Variants in SP100 observed in about 807,000 individuals in gnomAD.
The protein encoded by SP100 is nuclear autoantigen Sp-100.
SP100 carries 84 observed loss-of-function variants against 130.0 expected under a neutral mutation model. That is an observed-to-expected ratio of 0.65 (90% CI 0.54 to 0.77). The LOEUF (loss-of-function observed/expected upper bound fraction) is 0.77. SP100 is among the 30% of genes least tolerant of loss of function. The probability of loss-of-function intolerance (pLI) is 0.00; values close to 1 mark genes in which losing one functional copy is unlikely to be tolerated. For synonymous variants in SP100, 331 were observed against 351.7 expected, an observed-to-expected ratio of 0.94 and a Z score of 0.66; for missense variants, 978 against 1,052.2, an observed-to-expected ratio of 0.93 and a Z score of 0.97.
At position 230,460,710 on chromosome 2, in the gene SP100, G is replaced by A. The variant is rs1403216752; in HGVS notation, c.821-552G>A. On this transcript the variant is annotated intron_variant, in intron 8 of 28. Transcript: ENST00000340126. ...GCAATCTCGGCTCACTGCAAGCTCC[G>A]CTTCCCGGGTTCACGCCATTCTCCT... Among the ~76,000 whole-genome samples the A allele has an allele frequency of 4.3e-5, 2 of 46,490 alleles. 1 individual carries two copies. Among genetic ancestry groups the A allele is most frequent in the Non-Finnish European group, 7.8e-5 (2 of 25,494 alleles). 30.5% of individuals were successfully genotyped at this position (46,490 alleles called of 152,430 possible).
At chr2:230,502,329 A>T (rs1455401110) in intron 19 of SP100, among the ~76,000 whole-genome samples, 1 of 152,178 alleles carries the variant, frequency 6.6e-6, no homozygotes, top group Non-Finnish European at 1.5e-5. Flanking sequence ...CATTTTCAGT[A>T]CAAAACCTTC....
rs1288823036 is a variant in SP100, at chr2:230,504,008, A to G, written c.1766-178A>G. On this transcript the variant is annotated intron_variant, in intron 20 of 28. Coordinates refer to ENST00000340126, the MANE Select transcript of SP100 (RefSeq NM_001080391.2). Reference sequence around the variant, plus strand: ...ATTTTAGAGGGTGGAATGGAGGACAACAGTATCTACAGCTATCTAATGTGC... The same window carrying G: ...ATTTTAGAGGGTGGAATGGAGGACAGCAGTATCTACAGCTATCTAATGTGC... Among the ~76,000 whole-genome samples the G allele has an allele frequency of 1.3e-5, 2 of 152,206 alleles. 1 individual carries two copies. Among genetic ancestry groups the G allele is most frequent in the Non-Finnish European group, 2.9e-5 (2 of 68,034 alleles).
At chr2:230,448,884 G>A (rs936626385) in intron 5 of SP100, among the ~76,000 whole-genome samples, 5 of 152,178 alleles carry the variant, frequency 3.3e-5, no homozygotes, top group Admixed American at 3.3e-4. Context: ...TCATCCAGGG[G>A]TGCAGCTGAC....
intron 19 of SP100, among the ~76,000 whole-genome samples, chr2:230,500,652 G>A (rs966785814): frequency 6.6e-6 from 1 of 152,190 alleles, no homozygotes; most frequent in African/African-American, 2.4e-5. Context: ...GAACTGTGGG[G>A]AGAAGGGAGA....
intron 2 of SP100, among the ~76,000 whole-genome samples, chr2:230,431,269 G>A (rs559305500): frequency 6.6e-6 from 1 of 152,348 alleles, no homozygotes; most frequent in African/African-American, 2.4e-5. Flanking sequence ...CATGAGGCAA[G>A]ACAGAATTGG....
At chr2:230,432,425 A>G (rs2063127167) in intron 2 of SP100, among the ~76,000 whole-genome samples, 1 of 152,176 alleles carries the variant, frequency 6.6e-6, no homozygotes, top group Admixed American at 6.5e-5. Flanking sequence ...TGGGTTCTAT[A>G]GTAGCATTAT....
At chr2:230,501,259 T>C (rs189138030) in intron 19 of SP100, among the ~76,000 whole-genome samples, 1 of 151,990 alleles carries the variant, frequency 6.6e-6, no homozygotes, top group East Asian at 1.9e-4. Flanking sequence ...TCAAAAAAAA[T>C]AAAGGGGGTT....
chr2:230,507,995 C>T lies in SP100; in HGVS notation c.2016C>T (p.Asn672=). ...CATTTATCTCTTTTCTTTTTTAGAACAAATTTCTGCCAGAACCACCAAGCA... is the reference window on the plus strand; with the variant it reads ...CATTTATCTCTTTTCTTTTTTAGAATAAATTTCTGCCAGAACCACCAAGCA... ...GGYTLKVLME[N]KFLPEPPSTR... is the part of the protein sequence containing the mutation. The change falls in exon 23 of 29, where the codon AAC becomes AAT. Residue 672 remains asparagine (N), a splice_region_variant and synonymous_variant. Coordinates refer to ENST00000340126, the MANE Select transcript of SP100 (RefSeq NM_001080391.2). 6.2e-7 allele frequency: 1 copy of T among 1,612,768 alleles called. No homozygotes were observed. Among genetic ancestry groups the T allele is most frequent in the South Asian group, 1.1e-5 (1 of 90,842 alleles).
intron 11 of SP100, 117 bp from the exon 12 acceptor site, chr2:230,466,184 C>CAA (rs57983447): frequency 0.015 from 3,761 of 255,920 alleles, 19 homozygotes; most frequent in East Asian, 0.034. Context: ...GACTCCATCT[C>CAA]AAAAAAAAAA....
chr2:230,506,824 C>CAT (rs1553643267), intron 22 of SP100: 6,069 of 151,674 alleles, frequency 0.04, 346 homozygotes, highest in African/African-American at 0.075. Context: ...CACACACACA[C>CAT]ATATTTAACA....
chr2:230,532,906 C>T (rs1293718828), intron 24 of SP100, among the ~76,000 whole-genome samples: 1 of 152,048 alleles, frequency 6.6e-6, no homozygotes, highest in Non-Finnish European at 1.5e-5. Flanking sequence ...TCAGCCTCCC[C>T]AGTAGCTGGG....
chr2:230,421,352 C>T (rs1425424141), intron 2 of SP100, among the ~76,000 whole-genome samples: 1 of 152,152 alleles, frequency 6.6e-6, no homozygotes, highest in Non-Finnish European at 1.5e-5. Context: ...TGGTTAGTTT[C>T]AGCTTCCAAG....
At chr2:230,516,275 A>G in intron 24 of SP100, 1 of 165,636 alleles carries the variant, frequency 6.0e-6, no homozygotes, top group Non-Finnish European at 1.2e-5. Context: ...GAAACAGATT[A>G]TTATTGAACT....
At chr2:230,450,134 C>T in intron 7 of SP100, 38 bp from the exon 8 acceptor site, 1 of 1,445,992 alleles carries the variant, frequency 6.9e-7, no homozygotes, top group Non-Finnish European at 9.7e-7. Context: ...CAGAGCAAGG[C>T]TCTACTGGAT....
intron 5 of SP100, among the ~76,000 whole-genome samples, chr2:230,447,772 T>C (rs532235735): frequency 6.6e-6 from 1 of 152,310 alleles, no homozygotes; most frequent in East Asian, 1.9e-4. Context: ...GGGTTCTTTA[T>C]GGACATTCCA....
chr2:230,500,210 T>A (rs2066941637), intron 19 of SP100, among the ~76,000 whole-genome samples: 1 of 152,230 alleles, frequency 6.6e-6, no homozygotes, highest in Non-Finnish European at 1.5e-5. Context: ...TAATGTAGAA[T>A]TAAAACTAGT....
intron 11 of SP100, among the ~76,000 whole-genome samples, chr2:230,464,671 A>G (rs1007969102): frequency 6.6e-6 from 1 of 152,178 alleles, no homozygotes; most frequent in Non-Finnish European, 1.5e-5. Context: ...ATTGGCTTAC[A>G]TTGTGATTTT....
chr2:230,508,233 TG>T, intron 23 of SP100: 1 of 677,526 alleles, frequency 1.5e-6, no homozygotes, highest in Non-Finnish European at 2.2e-6. Context: ...GAGATAGAGG[TG>T]GGAACAATCC....
chr2:230,424,545 G>A (rs2062863519), intron 2 of SP100, among the ~76,000 whole-genome samples: 1 of 152,136 alleles, frequency 6.6e-6, no homozygotes, highest in South Asian at 2.1e-4. Context: ...GCAGGCACCT[G>A]TAATCCCAGC....
Sources: gnomAD v4.1 joint callset for allele counts (sites outside exome capture counted in the v4.1 genomes callset) on GRCh38, gnomAD v4.1.1 for gene constraint, MANE v1.5 for transcripts, NCBI Gene and HGNC (gene_info 2026-07-23, HGNC 2026-07-21) for gene names.